CBL: variants seen among roughly 807,000 people sequenced by gnomAD.
The protein encoded by CBL is Cbl proto-oncogene.
A neutral mutation model predicts 96.9 loss-of-function variants in CBL; 45 were observed. The ratio of observed to expected loss-of-function variants is 0.46; its 90% CI spans 0.37 to 0.60. The LOEUF is 0.60. Ranked by LOEUF, CBL falls within the 20% of genes least tolerant of loss-of-function variation. The pLI, the probability that CBL is intolerant of heterozygous loss-of-function variation, is 0.00. For missense variants in CBL, 1,024 were observed against 1,143.5 expected (o/e 0.90, Z 1.51); for synonymous variants, 420 against 426.8 (o/e 0.98, Z 0.20).
At chr11:119,210,743 C>G (rs569327965) in intron 1 of CBL, among the ~76,000 whole-genome samples, 1 of 151,574 alleles carries the variant, frequency 6.6e-6, no homozygotes, top group Non-Finnish European at 1.5e-5. Context: ...CATGAGCCAC[C>G]GCGCCTGGCT....
At chr11:119,253,162 T>C (rs954449308) in intron 2 of CBL, among the ~76,000 whole-genome samples, 1 of 152,144 alleles carries the variant, frequency 6.6e-6, no homozygotes, top group Non-Finnish European at 1.5e-5. Flanking sequence ...AGTTTAATCA[T>C]TTCAAAGTAT....
rs997047294 is a variant in CBL, at chr11:119,260,209, T to C, written c.444-11526T>C. Among the ~76,000 whole-genome samples the C allele has an allele frequency of 2.0e-5, 3 of 151,938 alleles. No individual in the cohort carries two copies. The East Asian group carries it at 5.8e-4, about 29-fold the overall frequency. ...GTAGTGATGATGAGCATGGATTGATTATTGGCTTAGCTTCTTTTTTTTTTT... is the reference window on the plus strand; with the variant it reads ...GTAGTGATGATGAGCATGGATTGATCATTGGCTTAGCTTCTTTTTTTTTTT... On this transcript the variant is annotated intron_variant, in intron 2 of 15. Coordinates refer to ENST00000264033, the MANE Select transcript of CBL (RefSeq NM_005188.4).
intron 9 of CBL, 93 bp downstream of exon 9, chr11:119,278,806 G>T: frequency 1.1e-6 from 1 of 910,162 alleles, no homozygotes; most frequent in Admixed American, 1.9e-5. Context: ...ACAATGATAG[G>T]TAGTATTAAT....
At chr11:119,272,010 C>T (rs1181832984) in intron 3 of CBL, 129 bp downstream of exon 3, 3 of 843,160 alleles carry the variant, frequency 3.6e-6, no homozygotes, top group Admixed American at 2.5e-5. Context: ...TATGTATTTC[C>T]TGGCTTTGGT....
rs1172471686 is a variant in CBL, at chr11:119,305,253, G to A, written c.*5472G>A. 4.3e-6 allele frequency: 1 copy of A among 231,144 alleles called. No individual in the cohort carries two copies. 14.3% of individuals were successfully genotyped at this position (231,144 alleles called of 1,614,324 possible). A position where few individuals can be genotyped will look rare whatever the true frequency, so the allele number is the denominator to read the frequency against. The stretch of plus-strand genomic sequence containing the variant: ...GTTTTTCTTCCCTTTGTCAGTCTTC[G>A]CATCCAAGATTTCTTCCCTCCCTCT... On this transcript the variant is annotated 3_prime_UTR_variant, in exon 16 of 16. Transcript: ENST00000264033.
intron 2 of CBL, 81 bp from the exon 3 acceptor site, chr11:119,271,654 T>C (rs1949849627): frequency 2.6e-6 from 3 of 1,132,914 alleles, no homozygotes; most frequent in Non-Finnish European, 4.0e-6. Context: ...ATGTTAATTA[T>C]ACATCTTGTA....
At chr11:119,298,314 A>T (rs748695656) in intron 14 of CBL, 44 bp from the exon 15 acceptor site, 2 of 1,548,564 alleles carry the variant, frequency 1.3e-6, no homozygotes, top group Middle Eastern at 1.7e-4. Flanking sequence ...GTATTAGAAG[A>T]TGAAGTGCGT....
In CBL at chr11:119,292,644, A is replaced by C. The variant is rs558278171; in HGVS notation, c.2037-4274A>C. Among the ~76,000 whole-genome samples the C allele has an allele frequency of 1.9e-3, 286 of 152,002 alleles. 1 individual carries two copies. Among genetic ancestry groups the C allele is most frequent in the Non-Finnish European group, 3.1e-3 (210 of 67,952 alleles). On this transcript the variant is annotated intron_variant, in intron 12 of 15. Coordinates refer to ENST00000264033, the MANE Select transcript of CBL (RefSeq NM_005188.4). ...TCACCACGTTAGCCAGGGTGGTCTC[A>C]ATCTCCTGACCGTGATCTGCCCGCC...
At chr11:119,224,055 A>G (rs960807362) in intron 1 of CBL, among the ~76,000 whole-genome samples, 3 of 152,216 alleles carry the variant, frequency 2.0e-5, no homozygotes, top group Non-Finnish European at 4.4e-5. Context: ...TTCCCTGGTC[A>G]TGATGATTCA....
intron 7 of CBL, 83 bp from the exon 8 acceptor site, chr11:119,278,083 A>G (rs1476549720): frequency 8.2e-7 from 1 of 1,212,810 alleles, no homozygotes. Flanking sequence ...TTGTATAGGA[A>G]ACAAGTCTTC....
intron 5 of CBL, among the ~76,000 whole-genome samples, chr11:119,275,254 A>G (rs1208094181): frequency 6.6e-6 from 1 of 151,900 alleles, no homozygotes. Flanking sequence ...GCCTGGCCAA[A>G]GTGGTAAAAC....
rs1055456727 is a variant in CBL, at chr11:119,287,864, A to C, written c.1954A>C (p.Ser652Arg). Reference sequence around the variant, plus strand: ...CTTTACTTTCCAGAGTATGAATAGCAGCCCATTAGTAGGTCCAGAGTGTGA... The same window carrying C: ...CTTTACTTTCCAGAGTATGAATAGCCGCCCATTAGTAGGTCCAGAGTGTGA... ...SLDTSMSMNS[S>R]PLVGPECDHP... Residue 652 changes from serine to arginine, a missense_variant, in exon 12 of 16, where the codon AGC (serine) becomes CGC (arginine). Physicochemically the swap from Ser to Arg is moderately radical, Grantham distance 110 (BLOSUM62 -1). Transcript: ENST00000264033. 2 of 1,609,874 alleles carry C rather than the reference A, an allele frequency of 1.2e-6. No homozygotes were observed. The highest frequency in any genetic ancestry group is 3.3e-5 in the Admixed American group (2 of 60,014).
intron 1 of CBL, among the ~76,000 whole-genome samples, chr11:119,209,630 A>AT (rs1388997146): frequency 6.6e-6 from 1 of 152,060 alleles, no homozygotes; most frequent in Non-Finnish European, 1.5e-5. Flanking sequence ...AAAAAAAAAA[A>AT]GTCTGTTTAA....
chr11:119,254,183 T>TA (rs2135282614), intron 2 of CBL, among the ~76,000 whole-genome samples: 1 of 152,136 alleles, frequency 6.6e-6, no homozygotes, highest in African/African-American at 2.4e-5. Context: ...CTCGTCTCTA[T>TA]AAAAAAGAAA....
intron 2 of CBL, among the ~76,000 whole-genome samples, chr11:119,238,751 A>G (rs1479656634): frequency 6.6e-6 from 1 of 151,922 alleles, no homozygotes; most frequent in Non-Finnish European, 1.5e-5. Flanking sequence ...GAATCTCTTG[A>G]ACCCAGGAGG....
At position 119,271,793 on chromosome 11, in the gene CBL, A is replaced by G; in HGVS notation, c.502A>G (p.Ile168Val). ...FSHMLAELKGIFPSGLFQGDT... is the reference protein window; with the variant it reads ...FSHMLAELKGVFPSGLFQGDT... ...CCACATGCTGGCAGAACTAAAAGGA[A>G]TCTTTCCAAGTGGACTCTTTCAGGG... Residue 168 changes from isoleucine to valine, a missense_variant, in exon 3 of 16, where the codon ATC becomes GTC. By Grantham distance (29) the Ile-to-Val change is conservative. This residue lies in a region of CBL where 192 missense variants were observed against 321.8 expected (regional missense o/e 0.60). Coordinates refer to ENST00000264033, the MANE Select transcript of CBL (RefSeq NM_005188.4). The G allele has an allele frequency of 6.2e-7, 1 of 1,614,080 alleles. No homozygotes were observed. Among genetic ancestry groups the G allele is most frequent in the Non-Finnish European group, 8.5e-7 (1 of 1,179,940 alleles).
At chr11:119,284,809 CTG>C (rs1473050309) in intron 9 of CBL, among the ~76,000 whole-genome samples, 158 bp from the exon 10 acceptor site, 1 of 152,164 alleles carries the variant, frequency 6.6e-6, no homozygotes, top group Non-Finnish European at 1.5e-5. Context: ...GCTAGAGTCT[CTG>C]GAAGTTTTTT....
rs1950116508 is a variant in CBL, at chr11:119,303,747, T to TA, written c.*3968dup. Reference sequence around the variant, plus strand: ...AGAATCTGTTTGGTGAGTTGAAAGGTAAGTTGGCTCAGAGTTGCACAGTAG... The same window carrying TA: ...AGAATCTGTTTGGTGAGTTGAAAGGTAAAGTTGGCTCAGAGTTGCACAGTAG... On this transcript the variant is annotated 3_prime_UTR_variant, in exon 16 of 16. Transcript: ENST00000264033. The TA allele has an allele frequency of 4.3e-6, 1 of 233,708 alleles. No homozygotes were observed. Among genetic ancestry groups the TA allele is most frequent in the East Asian group, 6.0e-5 (1 of 16,592 alleles). 14.5% of individuals were successfully genotyped at this position (233,708 alleles called of 1,614,324 possible).
chr11:119,259,854 C>G (rs191797253), intron 2 of CBL, among the ~76,000 whole-genome samples: 50 of 152,228 alleles, frequency 3.3e-4, no homozygotes, highest in African/African-American at 1.1e-3. Context: ...TTTATTCTGC[C>G]TTTTGTAGGA....
Sources: allele counts gnomAD v4.1 joint callset (sites outside exome capture counted in the v4.1 genomes callset), GRCh38; gene constraint gnomAD v4.1.1; regional missense constraint gnomAD v4.1.1; transcripts MANE v1.5; gene names NCBI Gene and HGNC (gene_info 2026-07-23, HGNC 2026-07-21).